SLC8A1: variants seen among roughly 807,000 people sequenced by gnomAD.
SLC8A1 encodes solute carrier family 8 member A1, also known as sodium/calcium exchanger 1.
SLC8A1 carries 18 observed loss-of-function variants against 68.3 expected under a neutral mutation model. That is an observed-to-expected ratio of 0.26 (90% confidence interval 0.18 to 0.39). The LOEUF (loss-of-function observed/expected upper bound fraction) is 0.39. Ranked by LOEUF, SLC8A1 falls within the 10% of genes least tolerant of loss-of-function variation. SLC8A1 has a pLI of 1.00. For missense variants in SLC8A1, 985 were observed against 1,156.7 expected (o/e 0.85, Z 2.15); for synonymous variants, 475 against 415.5 (o/e 1.14, Z -1.74).
chr2:40,412,267 G>C (rs566388962), intron 2 of SLC8A1, among the ~76,000 whole-genome samples: 2 of 152,190 alleles, frequency 1.3e-5, no homozygotes, highest in South Asian at 4.1e-4. Context: ...TGGTGAGATG[G>C]ACTGATGGTG....
intron 2 of SLC8A1, among the ~76,000 whole-genome samples, chr2:40,298,645 A>C (rs1454032819): frequency 1.3e-5 from 2 of 152,188 alleles, no homozygotes; most frequent in Non-Finnish European, 2.9e-5. Context: ...AGAAATTAGA[A>C]GGCTATGGTT....
At chr2:40,477,541 T>C (rs1230099682) in intron 1 of SLC8A1, among the ~76,000 whole-genome samples, 1 of 152,168 alleles carries the variant, frequency 6.6e-6, no homozygotes. Context: ...CAAAGACTCT[T>C]GATGTTTTGC....
intron 2 of SLC8A1, among the ~76,000 whole-genome samples, chr2:40,278,127 T>G (rs1459161749): frequency 6.6e-6 from 1 of 152,114 alleles, no homozygotes; most frequent in Non-Finnish European, 1.5e-5. Context: ...TATACAATGG[T>G]TATTTTTGTA....
intron 6 of SLC8A1, among the ~76,000 whole-genome samples, chr2:40,150,474 T>A (rs1304932226): frequency 6.6e-6 from 1 of 152,076 alleles, no homozygotes; most frequent in Non-Finnish European, 1.5e-5. Context: ...GGATGAAAAG[T>A]CCCCTCATGC....
chr2:40,444,122 C>A (rs1310420084), intron 1 of SLC8A1, among the ~76,000 whole-genome samples: 3 of 151,996 alleles, frequency 2.0e-5, no homozygotes, highest in African/African-American at 7.2e-5. Flanking sequence ...CTGCTTGAGC[C>A]CAGGAGTTCA....
chr2:40,142,934 ATGTGTGTGTGAGTGTGTGTGTG>A (rs931807105), intron 6 of SLC8A1, among the ~76,000 whole-genome samples: 4 of 147,018 alleles, frequency 2.7e-5, no homozygotes, highest in African/African-American at 2.5e-5. Context: ...TTAATGCAAA[ATGTGTGTGTGAGTGTGTGTGTG>A]TGTGTGTGTG....
chr2:40,357,037 C>T (rs946936932), intron 2 of SLC8A1, among the ~76,000 whole-genome samples: 1 of 152,164 alleles, frequency 6.6e-6, no homozygotes, highest in African/African-American at 2.4e-5. Context: ...CCAGTTACAT[C>T]TGCAGAACAC....
intron 1 of SLC8A1, among the ~76,000 whole-genome samples, chr2:40,466,917 A>T (rs1703706943): frequency 6.6e-6 from 1 of 152,112 alleles, no homozygotes; most frequent in Non-Finnish European, 1.5e-5. Context: ...ATTAAATATA[A>T]AAGTGCCCAG....
At chr2:40,344,116 T>A (rs762381092) in intron 2 of SLC8A1, among the ~76,000 whole-genome samples, 2 of 152,088 alleles carry the variant, frequency 1.3e-5, no homozygotes, top group African/African-American at 4.8e-5. Context: ...AGTGAGGCCA[T>A]AGAGAAGTCA....
chr2:40,360,452 T>G (rs1351225525), intron 2 of SLC8A1, among the ~76,000 whole-genome samples: 2 of 152,226 alleles, frequency 1.3e-5, no homozygotes, highest in Non-Finnish European at 2.9e-5. Flanking sequence ...GCCCTTTATC[T>G]GTGACAGGTG....
chr2:40,172,643 C>T (rs1400427822), intron 4 of SLC8A1, among the ~76,000 whole-genome samples: 1 of 151,958 alleles, frequency 6.6e-6, no homozygotes, highest in East Asian at 1.9e-4. Context: ...AGAAGGAAGG[C>T]CCTTAAAACA....
intron 7 of SLC8A1, among the ~76,000 whole-genome samples, chr2:40,127,721 A>G (rs1397339091): frequency 6.6e-6 from 1 of 152,168 alleles, no homozygotes; most frequent in African/African-American, 2.4e-5. Context: ...TTTATGGAGG[A>G]CTATGCCAAA....
chr2:40,352,963 G>A (rs985496927), intron 2 of SLC8A1, among the ~76,000 whole-genome samples: 3 of 151,984 alleles, frequency 2.0e-5, no homozygotes, highest in Admixed American at 1.3e-4. Flanking sequence ...AAGCTGGCAG[G>A]GCATAACTCT....
At chr2:40,504,867 A>C (rs1016170456) in intron 1 of SLC8A1, among the ~76,000 whole-genome samples, 1 of 152,014 alleles carries the variant, frequency 6.6e-6, no homozygotes, top group African/African-American at 2.4e-5. Flanking sequence ...TGGGAATGTA[A>C]ATTAGTACAA....
chr2:40,349,179 T>A (rs1670289102), intron 2 of SLC8A1, among the ~76,000 whole-genome samples: 1 of 152,130 alleles, frequency 6.6e-6, no homozygotes, highest in Non-Finnish European at 1.5e-5. Context: ...TTTGAGCACA[T>A]CACAAATGTG....
chr2:40,495,243 CA>C (rs1705613276), intron 1 of SLC8A1, among the ~76,000 whole-genome samples: 4 of 149,850 alleles, frequency 2.7e-5, no homozygotes, highest in South Asian at 4.3e-4. Flanking sequence ...ATTTTAGTGT[CA>C]GGGGATACAT....
At chr2:40,136,543 C>G (rs1490480459) in intron 7 of SLC8A1, among the ~76,000 whole-genome samples, 1 of 152,138 alleles carries the variant, frequency 6.6e-6, no homozygotes, top group African/African-American at 2.4e-5. Context: ...ATATCAGACA[C>G]TAGGAAAGAG....
At chr2:40,492,704 C>G (rs1397695393) in intron 1 of SLC8A1, among the ~76,000 whole-genome samples, 14 of 149,218 alleles carry the variant, frequency 9.4e-5, no homozygotes, top group Non-Finnish European at 1.9e-4. Context: ...AGACACTTCT[C>G]AAAAGAAGAC....
intron 1 of SLC8A1, among the ~76,000 whole-genome samples, chr2:40,439,531 C>T (rs1700096608): frequency 6.6e-6 from 1 of 152,126 alleles, no homozygotes; most frequent in Non-Finnish European, 1.5e-5. Context: ...ATGTTTAATA[C>T]AGAAACCAAT....
Sources: gnomAD v4.1 joint callset for allele counts (sites outside exome capture counted in the v4.1 genomes callset) on GRCh38, gnomAD v4.1.1 for gene constraint, MANE v1.5 for transcripts, NCBI Gene and HGNC (gene_info 2026-07-23, HGNC 2026-07-21) for gene names.